The following IMPG1 variants were observed in gnomAD, a reference collection of about 807,000 sequenced individuals.
The protein encoded by IMPG1 is interphotoreceptor matrix proteoglycan 1, also known as interphotoreceptor matrix proteoglycan of 150 kDa.
A neutral mutation model predicts 92.0 loss-of-function variants in IMPG1; 85 were observed. The ratio of observed to expected loss-of-function variants is 0.92; its 90% CI spans 0.78 to 1.11. The LOEUF is 1.11. IMPG1 is among the 50% of genes least tolerant of loss of function. The probability of loss-of-function intolerance (pLI) is 0.00; values close to 1 mark genes in which losing one functional copy is unlikely to be tolerated. For missense variants in IMPG1, 1,022 were observed against 956.0 expected, an observed-to-expected ratio of 1.07 and a Z score of -0.91; for synonymous variants, 367 against 334.1, an observed-to-expected ratio of 1.10 and a Z score of -1.08.
At chr6:76,008,482 T>C (rs1312168805) in intron 8 of IMPG1, among the ~76,000 whole-genome samples, 3 of 152,196 alleles carry the variant, frequency 2.0e-5, no homozygotes, top group African/African-American at 7.2e-5. Flanking sequence ...CATCCCCAGA[T>C]ATCATATGAC....
chr6:76,030,100 G>C (rs1783628343), intron 4 of IMPG1, among the ~76,000 whole-genome samples: 1 of 152,186 alleles, frequency 6.6e-6, no homozygotes, highest in African/African-American at 2.4e-5. Flanking sequence ...CTGTTTCATG[G>C]ATAAAGGGCA....
rs78164725 is a variant in IMPG1 at position 76,023,410 on chromosome 6, A to T, written c.563-1191T>A. 6.4e-3 allele frequency among the ~76,000 whole-genome samples: 981 copies of T among 152,366 alleles called. 8 individuals are homozygous for T. The highest frequency in any genetic ancestry group is 0.023 in the African/African-American group (950 of 41,582). On this transcript the variant is annotated intron_variant, in intron 5 of 16. Coordinates refer to ENST00000369950, the MANE Select transcript of IMPG1 (RefSeq NM_001563.4). The stretch of plus-strand genomic sequence containing the variant: ...TACTTAGCTGGTACCCTAGAAGAAC[A>T]AATTTTTATTTGGCTATCCTTCCAT...
intron 12 of IMPG1, among the ~76,000 whole-genome samples, chr6:75,974,375 C>CTTTCTTTCTTTCTT (rs1782485475): frequency 4.8e-5 from 4 of 83,416 alleles, no homozygotes; most frequent in African/African-American, 2.0e-4. Context: ...TTCTTTCTTT[C>CTTTCTTTCTTTCTT]TTTCTTTCTT....
chr6:76,049,654 C>T (rs981878801), intron 1 of IMPG1, among the ~76,000 whole-genome samples: 5 of 152,274 alleles, frequency 3.3e-5, no homozygotes, highest in African/African-American at 7.2e-5. Flanking sequence ...TGGATATTGA[C>T]ATTTGTTGAT....
chr6:75,997,029 A>G (rs1287718208), intron 12 of IMPG1, among the ~76,000 whole-genome samples: 3 of 152,236 alleles, frequency 2.0e-5, no homozygotes, highest in African/African-American at 7.2e-5. Flanking sequence ...ATTCTGAAGG[A>G]CATATTAAGT....
chr6:75,924,471 AT>A (rs1371171850), intron 15 of IMPG1, among the ~76,000 whole-genome samples: 1 of 104,396 alleles, frequency 9.6e-6, no homozygotes, highest in Non-Finnish European at 1.8e-5. Context: ...TAATATAAAT[AT>A]AATTATATAT....
chr6:76,064,261 C>T (rs1784263755), intron 1 of IMPG1, among the ~76,000 whole-genome samples: 2 of 152,098 alleles, frequency 1.3e-5, no homozygotes, highest in Admixed American at 1.3e-4. Context: ...AGGTGTCTCC[C>T]CTTCTGTCAT....
chr6:76,018,880 AG>A, intron 6 of IMPG1, 22 bp from the exon 7 acceptor site: 2 of 1,488,996 alleles, frequency 1.3e-6, no homozygotes, highest in African/African-American at 1.4e-5. Context: ...AAAAAAAAAA[AG>A]GACTTCTGTT....
At chr6:75,951,723 G>A (rs1444049391) in intron 12 of IMPG1, among the ~76,000 whole-genome samples, 3 of 152,102 alleles carry the variant, frequency 2.0e-5, no homozygotes, top group Non-Finnish European at 2.9e-5. Context: ...TAAAGGTATT[G>A]GTGAACATAT....
At chr6:75,999,493 T>A (rs1178681074) in intron 12 of IMPG1, among the ~76,000 whole-genome samples, 1 of 152,216 alleles carries the variant, frequency 6.6e-6, no homozygotes, top group Non-Finnish European at 1.5e-5. Context: ...TACCTGTACA[T>A]GGGAAAAGGC....
intron 1 of IMPG1, among the ~76,000 whole-genome samples, chr6:76,050,828 G>A (rs1784028291): frequency 6.6e-6 from 1 of 152,092 alleles, no homozygotes; most frequent in Non-Finnish European, 1.5e-5. Flanking sequence ...GGCATACAGA[G>A]GCTTACTGTA....
chr6:75,948,260 G>A (rs1781961795), intron 13 of IMPG1, among the ~76,000 whole-genome samples: 2 of 152,222 alleles, frequency 1.3e-5, no homozygotes, highest in Admixed American at 1.3e-4. Context: ...ATGGCATTGT[G>A]TTTCAGGTTC....
chr6:76,053,602 G>A (rs1425746478), intron 1 of IMPG1, among the ~76,000 whole-genome samples: 1 of 152,120 alleles, frequency 6.6e-6, no homozygotes, highest in Non-Finnish European at 1.5e-5. Context: ...GCTGTACTGA[G>A]GTGCTGAAAC....
At position 76,010,378 on chromosome 6, in the gene IMPG1, C is replaced by A. The variant is rs1222733749; in HGVS notation, c.866+788G>T. Among the ~76,000 whole-genome samples, 5 of 152,118 alleles carry A rather than the reference C, an allele frequency of 3.3e-5. No homozygotes were observed. The East Asian group carries it at 9.6e-4, about 29-fold the overall frequency. ...TTTTAAAAATAGCATATTATGAGTTCATCTGTAGACGTTTTGAAAAATGAG... is the reference window on the plus strand; with the variant it reads ...TTTTAAAAATAGCATATTATGAGTTAATCTGTAGACGTTTTGAAAAATGAG... On this transcript the variant is annotated intron_variant, in intron 8 of 16. Transcript: ENST00000369950.
intron 4 of IMPG1, among the ~76,000 whole-genome samples, chr6:76,029,717 C>G (rs1783622018): frequency 6.6e-6 from 1 of 152,108 alleles, no homozygotes; most frequent in South Asian, 2.1e-4. Flanking sequence ...AATAGGGTGC[C>G]CATCACCTGG....
At chr6:75,997,816 T>C (rs1250047772) in intron 12 of IMPG1, among the ~76,000 whole-genome samples, 1 of 152,210 alleles carries the variant, frequency 6.6e-6, no homozygotes, top group Non-Finnish European at 1.5e-5. Context: ...AATTCAGTCT[T>C]GGAGGGATTC....
rs766437321 is a variant in IMPG1, at chr6:76,005,457, A to T, written c.965T>A (p.Leu322His). The T allele has an allele frequency of 1.2e-6, 2 of 1,613,990 alleles. No homozygotes were observed. The highest frequency in any genetic ancestry group is 2.2e-5 in the South Asian group (2 of 91,076). Residue 322 changes from leucine to histidine, a missense_variant, in exon 10 of 17, where the codon CTC (leucine) becomes CAC (histidine). Coordinates refer to ENST00000369950, the MANE Select transcript of IMPG1 (RefSeq NM_001563.4). ...AATTTTGTTGGAATCAAAAGACAGG[A>T]GGTCACTTGCAGGGCTTTTTGCTTC... ...SAEAKSPASD[L>H]LSFDSNKIES...
At chr6:76,014,598 G>T (rs1163810822) in intron 7 of IMPG1, among the ~76,000 whole-genome samples, 1 of 152,156 alleles carries the variant, frequency 6.6e-6, no homozygotes, top group Non-Finnish European at 1.5e-5. Context: ...CAGCTCCAGG[G>T]ATTTAACATT....
At chr6:75,966,684 G>T (rs146236044) in intron 12 of IMPG1, among the ~76,000 whole-genome samples, 231 of 152,274 alleles carry the variant, frequency 1.5e-3, no homozygotes, top group Admixed American at 4.6e-3. Context: ...AATACTGACA[G>T]GCTTTAAGAA....
Sources: allele counts gnomAD v4.1 joint callset (sites outside exome capture counted in the v4.1 genomes callset), GRCh38; gene constraint gnomAD v4.1.1; transcripts MANE v1.5; gene names NCBI Gene and HGNC (gene_info 2026-07-23, HGNC 2026-07-21).